The following ZNF18 variants were observed in gnomAD, a reference collection of about 807,000 sequenced individuals.
ZNF18 encodes the protein zinc finger protein 18, also known as heart development-specific gene 1 protein.
ZNF18 carries 42 observed loss-of-function variants against 58.1 expected under a neutral mutation model. The observed-to-expected ratio is 0.72, with a 90% CI of 0.56 to 0.93. ZNF18 has a LOEUF of 0.93. Ranked by LOEUF, ZNF18 falls within the 40% of genes least tolerant of loss-of-function variation. The pLI is 0.00. For synonymous variants in ZNF18, 231 were observed against 239.8 expected (o/e 0.96, Z 0.34); for missense variants, 540 against 644.2 (o/e 0.84, Z 1.75).
chr17:11,992,912 C>T lies in ZNF18; in HGVS notation c.-82-1G>A. The T allele has an allele frequency of 6.9e-7, 1 of 1,452,752 alleles. No homozygotes were observed. Among genetic ancestry groups the T allele is most frequent in the Non-Finnish European group, 9.2e-7 (1 of 1,091,452 alleles). The allele number at this position is 1,452,752 out of a possible 1,614,324, so 90.0% of individuals were successfully genotyped here. A position where few individuals can be genotyped will look rare whatever the true frequency, so the allele number is the denominator to read the frequency against. On this transcript the variant is annotated splice_acceptor_variant, in intron 1 of 6. Transcript: ENST00000580306. LOFTEE classifies it low-confidence loss of function (5UTR_SPLICE). ...CAAGAACTAGGTCTTCACCAGGACA[C>T]TAAAAAGGGAATGAGATTGAGTGCT...
At chr17:12,012,528 A>G in the ZNF18 span, among the ~76,000 whole-genome samples, 1 of 152,230 alleles carries the variant, frequency 6.6e-6, no homozygotes, top group Non-Finnish European at 1.5e-5. Context: ...TTTGATAGCC[A>G]TTATTAACTT....
At chr17:12,019,179 G>T in the ZNF18 span, among the ~76,000 whole-genome samples, 1 of 151,870 alleles carries the variant, frequency 6.6e-6, no homozygotes, top group Non-Finnish European at 1.5e-5. Flanking sequence ...GGCCAGGCTG[G>T]TCACTAACTC....
At chr17:11,999,078 G>A (rs186698472), upstream of ZNF18, among the ~76,000 whole-genome samples, 2 of 152,260 alleles carry the variant, frequency 1.3e-5, no homozygotes, top group Admixed American at 6.5e-5. Flanking sequence ...CCTTCATTGG[G>A]TATTGCTTCC....
chr17:11,980,057 C>G (rs560326970), intron 6 of ZNF18, among the ~76,000 whole-genome samples: 1 of 152,138 alleles, frequency 6.6e-6, no homozygotes, highest in Non-Finnish European at 1.5e-5. Flanking sequence ...AGGAATTTCT[C>G]AAAGTAGAAT....
chr17:11,992,029 C>T (rs1968160699), intron 2 of ZNF18, among the ~76,000 whole-genome samples: 1 of 152,200 alleles, frequency 6.6e-6, no homozygotes, highest in Admixed American at 6.5e-5. Flanking sequence ...CTCTATGCAG[C>T]TCTTCTCTCT....
At chr17:11,979,954 A>T (rs975109710) in intron 6 of ZNF18, among the ~76,000 whole-genome samples, 2 of 152,182 alleles carry the variant, frequency 1.3e-5, no homozygotes, top group Non-Finnish European at 2.9e-5. Flanking sequence ...ATGGAAATCT[A>T]ATTTGCTTAT....
upstream of ZNF18, chr17:12,002,109 T>C (rs1216628263): frequency 2.0e-5 from 3 of 152,114 alleles, no homozygotes; most frequent in Admixed American, 1.3e-4. Context: ...CTAAAAGATA[T>C]TAACTTTTTG....
chr17:12,012,823 G>C, the ZNF18 span, among the ~76,000 whole-genome samples: 1 of 152,154 alleles, frequency 6.6e-6, no homozygotes, highest in Non-Finnish European at 1.5e-5. Flanking sequence ...TTATAGGTGT[G>C]AGTCAATGTG....
intron 4 of ZNF18, among the ~76,000 whole-genome samples, chr17:11,987,301 G>T (rs1967814416): frequency 6.6e-6 from 1 of 152,148 alleles, no homozygotes; most frequent in South Asian, 2.1e-4. Context: ...TTCCACTAAT[G>T]AAATAACTAC....
At chr17:12,011,357 T>A in the ZNF18 span, 3 of 191,886 alleles carry the variant, frequency 1.6e-5, no homozygotes, top group Non-Finnish European at 3.2e-5. Flanking sequence ...AGAAAGGACA[T>A]CCATCATCCT....
rs1176930413 is a variant in ZNF18 at position 11,991,713 on chromosome 17, GAGTT to G, written c.388-554_388-551del. Among the ~76,000 whole-genome samples the G allele has an allele frequency of 2.6e-5, 4 of 152,174 alleles. No individual in the cohort carries two copies. The East Asian group carries it at 7.7e-4, about 29-fold the overall frequency. ...TAAGGAGCCCTTCTCAACCACACCT[GAGTT>G]TATGCTAGGCTCCTAGATAGCTTCA... On this transcript the variant is annotated intron_variant, in intron 2 of 6. Transcript: ENST00000580306.
Position 11,992,818 on chromosome 17 carries a change from G to C in ZNF18, c.12C>G (p.Asp4Glu). The C allele has an allele frequency of 6.2e-7, 1 of 1,612,020 alleles. No homozygotes were observed. The highest frequency in any genetic ancestry group is 8.5e-7 in the Non-Finnish European group (1 of 1,179,334). The change falls in exon 2 of 7, where the codon GAC becomes GAG. Residue 4 changes from aspartate to glutamate, a missense_variant. Coordinates refer to ENST00000580306, the MANE Select transcript of ZNF18 (RefSeq NM_001303281.2). ...GCAGCAGGCCTAGGGCCTGCCCCAAGTCAACGGGCATTGTCCAGCCTGGCA... is the reference window on the plus strand; with the variant it reads ...GCAGCAGGCCTAGGGCCTGCCCCAACTCAACGGGCATTGTCCAGCCTGGCA... Reference protein sequence around the residue: MPVDLGQALGLLPS... With the variant: MPVELGQALGLLPS...
chr17:11,992,568 G>T lies in ZNF18; in HGVS notation c.262C>A (p.Gln88Lys). The change falls in exon 2 of 7, where the codon CAG (glutamine) becomes AAG (lysine). Residue 88 changes from glutamine to lysine, a missense_variant. Gln to Lys is a moderately conservative substitution (Grantham distance 53, BLOSUM62 1). Coordinates refer to ENST00000580306, the MANE Select transcript of ZNF18 (RefSeq NM_001303281.2). ...TCCCCAGGCAGGATGGTCAGAAACT[G>T]CTCCAACATGAGGATCTCTAGGATC... ...EQILEILMLE[Q>K]FLTILPGEIQ... The T allele has an allele frequency of 6.2e-7, 1 of 1,614,210 alleles. No individual in the cohort carries two copies. Among genetic ancestry groups the T allele is most frequent in the South Asian group, 1.1e-5 (1 of 91,088 alleles).
At chr17:11,982,053 C>T (rs1967397514) in intron 6 of ZNF18, among the ~76,000 whole-genome samples, 1 of 151,942 alleles carries the variant, frequency 6.6e-6, no homozygotes, top group Non-Finnish European at 1.5e-5. Flanking sequence ...CTCTCCCAGT[C>T]TCTCCCTTCC....
the ZNF18 span, among the ~76,000 whole-genome samples, chr17:12,008,946 A>T: frequency 6.6e-6 from 1 of 152,256 alleles, no homozygotes; most frequent in African/African-American, 2.4e-5. Flanking sequence ...TTTAGATACC[A>T]TGGTCCAAAA....
chr17:11,993,302 C>T (rs1238135234), intron 1 of ZNF18, among the ~76,000 whole-genome samples: 1 of 152,012 alleles, frequency 6.6e-6, no homozygotes, highest in African/African-American at 2.4e-5. Flanking sequence ...GATATTAATG[C>T]CCTAGGAATA....
the ZNF18 span, among the ~76,000 whole-genome samples, chr17:12,005,645 T>G: frequency 6.6e-6 from 1 of 152,206 alleles, no homozygotes; most frequent in Non-Finnish European, 1.5e-5. Context: ...AAACTGAATT[T>G]AGAACCCGAC....
chr17:12,016,356 A>C, the ZNF18 span, among the ~76,000 whole-genome samples: 2 of 151,700 alleles, frequency 1.3e-5, no homozygotes, highest in African/African-American at 4.8e-5. Flanking sequence ...TTGAGATGGA[A>C]TCTCCCTTTG....
the ZNF18 span, chr17:12,002,532 A>G: frequency 6.6e-6 from 1 of 152,214 alleles, no homozygotes; most frequent in African/African-American, 2.4e-5. Flanking sequence ...ATCGAGATCC[A>G]GAGTGTGTAA....
Sources: allele counts gnomAD v4.1 joint callset (sites outside exome capture counted in the v4.1 genomes callset), GRCh38; gene constraint gnomAD v4.1.1; transcripts MANE v1.5; gene names NCBI Gene and HGNC (gene_info 2026-07-23, HGNC 2026-07-21).